Variants in NR2F1-AS1 observed in about 807,000 individuals in gnomAD.
NR2F1-AS1 encodes NR2F1 antisense RNA 1.
intron 4 of NR2F1-AS1, among the ~76,000 whole-genome samples, chr5:93,497,124 T>C (rs1156546223): frequency 6.6e-6 from 1 of 152,106 alleles, no homozygotes; most frequent in Admixed American, 6.5e-5. Flanking sequence ...TCCATATGCT[T>C]CAGTGATTAG....
chr5:93,490,054 C>T (rs1482622829), intron 4 of NR2F1-AS1, among the ~76,000 whole-genome samples: 2 of 152,168 alleles, frequency 1.3e-5, no homozygotes, highest in Non-Finnish European at 2.9e-5. Context: ...CCACCACTCC[C>T]TTCAGATCCA....
At chr5:93,422,903 T>G (rs1749117316) in intron 4 of NR2F1-AS1, among the ~76,000 whole-genome samples, 1 of 152,168 alleles carries the variant, frequency 6.6e-6, no homozygotes, top group Admixed American at 6.5e-5. Flanking sequence ...GGAAAGGGAC[T>G]AAGGTGCCAA....
intron 4 of NR2F1-AS1, among the ~76,000 whole-genome samples, chr5:93,430,034 C>T (rs1749277450): frequency 6.6e-6 from 1 of 152,200 alleles, no homozygotes; most frequent in Non-Finnish European, 1.5e-5. Flanking sequence ...AATCTAAGCA[C>T]TGTCTAAACA....
intron 4 of NR2F1-AS1, among the ~76,000 whole-genome samples, chr5:93,498,562 T>C (rs1049455519): frequency 7.9e-5 from 12 of 152,112 alleles, no homozygotes; most frequent in Admixed American, 7.2e-4. Context: ...TGCTTCTATA[T>C]TCAAACTCGC....
At chr5:93,445,457 T>C (rs1749677237) in intron 4 of NR2F1-AS1, among the ~76,000 whole-genome samples, 1 of 151,972 alleles carries the variant, frequency 6.6e-6, no homozygotes, top group Non-Finnish European at 1.5e-5. Context: ...AAGAAATGGA[T>C]AAATTCCTGG....
intron 4 of NR2F1-AS1, among the ~76,000 whole-genome samples, chr5:93,437,043 T>C (rs1459919954): frequency 6.6e-6 from 1 of 152,084 alleles, no homozygotes. Context: ...TTTTTCATTA[T>C]AATGTTAGCT....
chr5:93,535,299 A>G (rs1032871322), intron 4 of NR2F1-AS1, among the ~76,000 whole-genome samples: 2 of 151,796 alleles, frequency 1.3e-5, no homozygotes, highest in Non-Finnish European at 2.9e-5. Context: ...AAAAAATAAA[A>G]AACAATGTGA....
chr5:93,520,406 C>A (rs545493626), intron 4 of NR2F1-AS1, among the ~76,000 whole-genome samples: 1 of 152,190 alleles, frequency 6.6e-6, no homozygotes, highest in African/African-American at 2.4e-5. Flanking sequence ...CTCAAAGAAA[C>A]ATTCCTTTAA....
intron 1 of NR2F1-AS1, among the ~76,000 whole-genome samples, chr5:93,566,544 G>T (rs1436701533): frequency 1.3e-5 from 2 of 151,982 alleles, no homozygotes; most frequent in Non-Finnish European, 2.9e-5. Context: ...CGCTACCACT[G>T]CTTTCAGAAC....
intron 4 of NR2F1-AS1, among the ~76,000 whole-genome samples, chr5:93,508,393 T>C (rs1369362239): frequency 6.6e-6 from 1 of 152,148 alleles, no homozygotes; most frequent in South Asian, 2.1e-4. Context: ...GAAAAGTTAT[T>C]TTCATAATGA....
chr5:93,559,070 C>T (rs1471959155), intron 2 of NR2F1-AS1, among the ~76,000 whole-genome samples: 1 of 152,224 alleles, frequency 6.6e-6, no homozygotes, highest in Non-Finnish European at 1.5e-5. Flanking sequence ...TCTGCTCTAG[C>T]TATGAAAGTC....
intron 4 of NR2F1-AS1, among the ~76,000 whole-genome samples, chr5:93,540,997 C>G (rs776998156): frequency 6.6e-6 from 1 of 152,188 alleles, no homozygotes; most frequent in Non-Finnish European, 1.5e-5. Flanking sequence ...CACTTTCCAA[C>G]GTTAGCCCTC....
At chr5:93,511,391 C>T (rs541882696) in intron 4 of NR2F1-AS1, among the ~76,000 whole-genome samples, 4 of 152,180 alleles carry the variant, frequency 2.6e-5, no homozygotes, top group Admixed American at 6.6e-5. Flanking sequence ...TTCAGAATCA[C>T]GTTACACCAC....
At chr5:93,562,195 A>AGAAAAG (rs1554072353) in intron 2 of NR2F1-AS1, among the ~76,000 whole-genome samples, 12 of 136,720 alleles carry the variant, frequency 8.8e-5, no homozygotes, top group African/African-American at 3.6e-4. Context: ...AAAAAAAAAA[A>AGAAAAG]AAAAGAAAAG....
At chr5:93,478,094 C>G (rs1332520862) in intron 4 of NR2F1-AS1, among the ~76,000 whole-genome samples, 2 of 152,178 alleles carry the variant, frequency 1.3e-5, no homozygotes, top group Admixed American at 6.5e-5. Flanking sequence ...AGAGCATTGT[C>G]TATAGCAGGC....
chr5:93,447,114 A>C (rs1262475586), intron 4 of NR2F1-AS1, among the ~76,000 whole-genome samples: 1 of 152,220 alleles, frequency 6.6e-6, no homozygotes, highest in African/African-American at 2.4e-5. Flanking sequence ...AAGAAAACCT[A>C]GGCAATACCA....
chr5:93,535,728 C>A (rs574912801), intron 4 of NR2F1-AS1, among the ~76,000 whole-genome samples: 1 of 152,054 alleles, frequency 6.6e-6, no homozygotes, highest in Non-Finnish European at 1.5e-5. Context: ...GAAAGACAGA[C>A]AAAAACTATA....
intron 4 of NR2F1-AS1, among the ~76,000 whole-genome samples, chr5:93,512,498 A>C (rs572999601): frequency 6.6e-6 from 1 of 152,274 alleles, no homozygotes; most frequent in African/African-American, 2.4e-5. Flanking sequence ...TTGAAGGAAG[A>C]AAAGTATTTC....
At chr5:93,415,329 T>C (rs1748947447) in intron 4 of NR2F1-AS1, among the ~76,000 whole-genome samples, 1 of 152,182 alleles carries the variant, frequency 6.6e-6, no homozygotes, top group Non-Finnish European at 1.5e-5. Context: ...ATATCCCTGG[T>C]TTCTAGCACA....
Sources: gnomAD v4.1 joint callset for allele counts (sites outside exome capture counted in the v4.1 genomes callset) on GRCh38, gnomAD v4.1.1 for gene constraint, MANE v1.5 for transcripts, NCBI Gene and HGNC (gene_info 2026-07-23, HGNC 2026-07-21) for gene names.